The following SIL1 variants were observed in gnomAD, a reference collection of about 807,000 sequenced individuals.
The protein encoded by SIL1 is nucleotide exchange factor SIL1.
In SIL1, 40 loss-of-function variants were observed where a neutral mutation model predicts 49.1. The observed-to-expected ratio is 0.81, with a 90% CI of 0.63 to 1.06. The LOEUF (loss-of-function observed/expected upper bound fraction) is 1.06. Ranked by LOEUF, SIL1 falls within the 50% of genes least tolerant of loss-of-function variation. The pLI is 0.00. For missense variants in SIL1, 500 were observed against 572.6 expected, an observed-to-expected ratio of 0.87 and a Z score of 1.29; for synonymous variants, 253 against 250.8, an observed-to-expected ratio of 1.01 and a Z score of -0.08.
chr5:138,970,767 C>T (rs1169267864), intron 7 of SIL1, among the ~76,000 whole-genome samples: 2 of 151,998 alleles, frequency 1.3e-5, no homozygotes, highest in African/African-American at 4.8e-5. Context: ...CTGGGTGTGG[C>T]GATGCGCACC....
chr5:138,984,873 T>C (rs1767618976), intron 7 of SIL1, among the ~76,000 whole-genome samples: 1 of 152,230 alleles, frequency 6.6e-6, no homozygotes, highest in African/African-American at 2.4e-5. Flanking sequence ...GAACAAAGGC[T>C]GTATCAGACA....
At chr5:139,112,133 T>G (rs1475230800) in intron 3 of SIL1, among the ~76,000 whole-genome samples, 1 of 152,256 alleles carries the variant, frequency 6.6e-6, no homozygotes, top group Non-Finnish European at 1.5e-5. Context: ...AGACGGAGTC[T>G]AGTTCACTCA....
chr5:139,152,017 G>A (rs1272311958), intron 1 of SIL1, among the ~76,000 whole-genome samples: 1 of 152,222 alleles, frequency 6.6e-6, no homozygotes, highest in Admixed American at 6.5e-5. Flanking sequence ...AGAAGAAGGT[G>A]CAGTGGCTGA....
chr5:139,133,102 A>G (rs972655337), intron 1 of SIL1, among the ~76,000 whole-genome samples: 3 of 152,046 alleles, frequency 2.0e-5, no homozygotes, highest in African/African-American at 7.3e-5. Flanking sequence ...TTGGCTTTCA[A>G]TGGAGGACAG....
chr5:139,155,831 C>A (rs1037147778), intron 1 of SIL1, among the ~76,000 whole-genome samples: 1 of 137,882 alleles, frequency 7.3e-6, no homozygotes, highest in Non-Finnish European at 1.6e-5. Flanking sequence ...TGTCCCAGGT[C>A]AAATAAACTC....
At chr5:138,983,021 A>C (rs923085720) in intron 7 of SIL1, among the ~76,000 whole-genome samples, 2 of 151,428 alleles carry the variant, frequency 1.3e-5, no homozygotes, top group Non-Finnish European at 2.9e-5. Flanking sequence ...ACATGGTGAA[A>C]CACCATCTCT....
intron 3 of SIL1, among the ~76,000 whole-genome samples, chr5:139,113,115 C>A (rs1205345315): frequency 6.6e-6 from 1 of 151,868 alleles, no homozygotes; most frequent in Admixed American, 6.5e-5. Flanking sequence ...CGTTAAGAGT[C>A]ATCACCACTC....
intron 1 of SIL1, among the ~76,000 whole-genome samples, chr5:139,150,019 CCA>C (rs1331315030): frequency 3.3e-5 from 5 of 152,172 alleles, no homozygotes; most frequent in African/African-American, 1.2e-4. Context: ...AACACAGTCA[CCA>C]CAGTTTGTGA....
chr5:139,137,501 AT>A (rs1268040988), intron 1 of SIL1: 1 of 522,354 alleles, frequency 1.9e-6, no homozygotes, highest in Non-Finnish European at 3.4e-6. Context: ...AAAAAGGCAC[AT>A]TTTGTGTCAG....
At chr5:139,030,578 C>A (rs1271259993) in intron 5 of SIL1, among the ~76,000 whole-genome samples, 4 of 151,010 alleles carry the variant, frequency 2.6e-5, no homozygotes, top group African/African-American at 4.9e-5. Flanking sequence ...TGTAATCCTG[C>A]CACTGCACTC....
chr5:139,049,534 A>G (rs370161372), intron 4 of SIL1, among the ~76,000 whole-genome samples: 1 of 152,286 alleles, frequency 6.6e-6, no homozygotes, highest in South Asian at 2.1e-4. Context: ...CACATCTGTT[A>G]TCCCAGCACT....
chr5:139,121,282 C>T (rs1750630782), intron 2 of SIL1, 109 bp from the exon 3 acceptor site: 20 of 1,460,172 alleles, frequency 1.4e-5, no homozygotes, highest in African/African-American at 4.2e-5. Context: ...CTCTCCCCCA[C>T]AGCCTGATAT....
chr5:139,156,520 A>T (rs1751410817), intron 1 of SIL1, among the ~76,000 whole-genome samples: 1 of 152,170 alleles, frequency 6.6e-6, no homozygotes, highest in East Asian at 1.9e-4. Flanking sequence ...GAATAAGAAA[A>T]AAAAAGGATC....
chr5:139,002,647 G>A (rs988522109), intron 7 of SIL1, among the ~76,000 whole-genome samples: 7 of 152,212 alleles, frequency 4.6e-5, no homozygotes, highest in African/African-American at 1.7e-4. Context: ...ATAAAGAGCT[G>A]TATTGTTTTC....
chr5:139,095,835 A>T (rs563017573), intron 3 of SIL1, among the ~76,000 whole-genome samples: 37 of 144,932 alleles, frequency 2.6e-4, no homozygotes, highest in Middle Eastern at 7.4e-3. Flanking sequence ...GTCAAAATTT[A>T]AAAAAAAAAA....
intron 7 of SIL1, among the ~76,000 whole-genome samples, chr5:139,002,555 T>C: frequency 6.6e-6 from 1 of 152,268 alleles, no homozygotes; most frequent in South Asian, 2.1e-4. Context: ...AACTTCCATA[T>C]AGAAATGTAT....
At chr5:139,099,436 A>C (rs1770539160) in intron 3 of SIL1, among the ~76,000 whole-genome samples, 1 of 152,226 alleles carries the variant, frequency 6.6e-6, no homozygotes, top group African/African-American at 2.4e-5. Flanking sequence ...ATATATACCC[A>C]AAAGAAAAGA....
chr5:138,964,679 A>G (rs1304223158), intron 7 of SIL1, among the ~76,000 whole-genome samples: 1 of 152,254 alleles, frequency 6.6e-6, no homozygotes, highest in Non-Finnish European at 1.5e-5. Flanking sequence ...AAGATTCAGC[A>G]ATTGTTGCTG....
At chr5:139,093,848 A>G (rs1455976299) in intron 3 of SIL1, 1 of 152,202 alleles carries the variant, frequency 6.6e-6, no homozygotes, top group African/African-American at 2.4e-5. Flanking sequence ...GCTTTACTCC[A>G]CATCAAAAAG....
Sources: gnomAD v4.1 joint callset for allele counts (sites outside exome capture counted in the v4.1 genomes callset) on GRCh38, gnomAD v4.1.1 for gene constraint, MANE v1.5 for transcripts, NCBI Gene and HGNC (gene_info 2026-07-23, HGNC 2026-07-21) for gene names.